Variants in SNTG2 observed in about 807,000 individuals in gnomAD.
SNTG2 encodes gamma-2-syntrophin.
Under a neutral mutation model 70.9 loss-of-function variants are expected in SNTG2, and 74 were observed. The ratio of observed to expected loss-of-function variants is 1.04; its 90% CI spans 0.86 to 1.27. The LOEUF (loss-of-function observed/expected upper bound fraction) is 1.27, where lower values mean the gene tolerates loss of function less well. Ranked by LOEUF, SNTG2 falls within the 50% of genes most tolerant of loss-of-function variation. The pLI is 0.00. For synonymous variants in SNTG2, 278 were observed against 273.8 expected (o/e 1.02, Z -0.15); for missense variants, 717 against 690.7 (o/e 1.04, Z -0.43).
At chr2:964,767 C>A (rs1660470003) in intron 1 of SNTG2, among the ~76,000 whole-genome samples, 1 of 152,170 alleles carries the variant, frequency 6.6e-6, no homozygotes, top group African/African-American at 2.4e-5. Flanking sequence ...CGGGTCCCGC[C>A]CTGTGCCAGG....
intron 14 of SNTG2, among the ~76,000 whole-genome samples, chr2:1,306,469 G>C (rs566654932): frequency 6.6e-6 from 1 of 152,232 alleles, no homozygotes. Flanking sequence ...TCCAGGAAAA[G>C]GACAATAGCA....
At chr2:1,273,008 G>GCACCAT (rs1260560054) in intron 14 of SNTG2, among the ~76,000 whole-genome samples, 3 of 152,142 alleles carry the variant, frequency 2.0e-5, no homozygotes, top group Non-Finnish European at 2.9e-5. Flanking sequence ...ATACGGATGC[G>GCACCAT]CACCATCACC....
intron 16 of SNTG2, among the ~76,000 whole-genome samples, chr2:1,346,888 G>A (rs1314695070): frequency 5.3e-5 from 8 of 152,114 alleles, no homozygotes; most frequent in Non-Finnish European, 2.9e-5. Context: ...GCTAAGCTTT[G>A]TCTAAAGACT....
In SNTG2 at chr2:951,019, C is replaced by T; in HGVS notation, c.23C>T (p.Pro8Leu). The T allele has an allele frequency of 7.9e-7, 1 of 1,265,618 alleles. No homozygotes were observed. Among genetic ancestry groups the T allele is most frequent in the Non-Finnish European group, 9.9e-7 (1 of 1,008,540 alleles). 78.4% of individuals were successfully genotyped at this position (1,265,618 alleles called of 1,614,324 possible). A position where few individuals can be genotyped will look rare whatever the true frequency, so the allele number is the denominator to read the frequency against. The change falls in exon 1 of 17, where the codon CCC (proline) becomes CTC (leucine). Residue 8 changes from proline (P) to leucine (L), a missense_variant. Coordinates refer to ENST00000308624, the MANE Select transcript of SNTG2 (RefSeq NM_018968.4). ...GCGATGGGCACCGAGGGACCCCCGC[C>T]CCCGGCCGCCTCCCGCGGACGCCAG... MGTEGPPPPAASRGRQGC... is the reference protein window; with the variant it reads MGTEGPPLPAASRGRQGC...
chr2:1,117,057 G>A (rs915479265), intron 4 of SNTG2, among the ~76,000 whole-genome samples: 1 of 129,122 alleles, frequency 7.7e-6, no homozygotes, highest in Admixed American at 8.0e-5. Flanking sequence ...GGGTGCTCTG[G>A]TGTGTGGGTG....
At chr2:1,320,799 C>G (rs941395532) in intron 16 of SNTG2, among the ~76,000 whole-genome samples, 11 of 152,148 alleles carry the variant, frequency 7.2e-5, no homozygotes, top group Non-Finnish European at 1.6e-4. Flanking sequence ...ATTATAGAGA[C>G]ATAGCTTGGC....
chr2:1,017,082 G>T (rs757503368), intron 1 of SNTG2, among the ~76,000 whole-genome samples: 1 of 152,116 alleles, frequency 6.6e-6, no homozygotes, highest in African/African-American at 2.4e-5. Context: ...AGAAAATCTT[G>T]TGGCAGTGAG....
chr2:1,222,079 GTCTCTGTCTC>G lies in SNTG2; in HGVS notation c.719+12911_719+12920del, dbSNP rs1228794315. 6.0e-3 allele frequency among the ~76,000 whole-genome samples: 87 copies of G among 14,556 alleles called. 4 individuals are homozygous for G. Among genetic ancestry groups the G allele is most frequent in the South Asian group, 8.0e-3 (3 of 376 alleles). 9.5% of individuals were successfully genotyped at this position (14,556 alleles called of 152,430 possible). A position where few individuals can be genotyped will look rare whatever the true frequency, so the allele number is the denominator to read the frequency against. ...TCTGTCTCTGTTTCTCTCTGTCTCT[GTCTCTGTCTC>G]TCTCTGTCTCTCTCTGTCTCTCTCT... On this transcript the variant is annotated intron_variant, in intron 9 of 16. Transcript: ENST00000308624.
intron 2 of SNTG2, among the ~76,000 whole-genome samples, chr2:1,089,446 C>T (rs1052806692): frequency 6.6e-6 from 1 of 152,188 alleles, no homozygotes; most frequent in Non-Finnish European, 1.5e-5. Context: ...ACCAGCCTGA[C>T]CAACATGGTG....
chr2:1,309,252 C>CA (rs1043194488), intron 15 of SNTG2, among the ~76,000 whole-genome samples: 33 of 152,190 alleles, frequency 2.2e-4, no homozygotes, highest in Admixed American at 2.2e-3. Flanking sequence ...ACCCCCTTTA[C>CA]AAAATAGAGC....
intron 1 of SNTG2, among the ~76,000 whole-genome samples, chr2:969,190 A>G (rs1660660974): frequency 1.3e-5 from 2 of 151,846 alleles, no homozygotes; most frequent in South Asian, 4.2e-4. Flanking sequence ...GTGTGGCTTT[A>G]TTTCTGGGCT....
At chr2:1,306,739 A>T (rs1174130564) in intron 14 of SNTG2, among the ~76,000 whole-genome samples, 1 of 146,936 alleles carries the variant, frequency 6.8e-6, no homozygotes, top group Non-Finnish European at 1.5e-5. Context: ...GCGCTGTGTG[A>T]GCCACACTGT....
chr2:1,117,422 T>C (rs1354327571), intron 4 of SNTG2, among the ~76,000 whole-genome samples: 4 of 152,144 alleles, frequency 2.6e-5, no homozygotes. Flanking sequence ...TTTTTTTCTT[T>C]CTCGTTGAAA....
At chr2:1,184,537 G>GT (rs112814397) in intron 8 of SNTG2, among the ~76,000 whole-genome samples, 11 of 152,276 alleles carry the variant, frequency 7.2e-5, no homozygotes, top group African/African-American at 1.9e-4. Flanking sequence ...CAGGAAGCAT[G>GT]GCTGGGGAGG....
chr2:1,154,787 C>G (rs545606398), intron 6 of SNTG2, among the ~76,000 whole-genome samples: 2 of 152,140 alleles, frequency 1.3e-5, no homozygotes, highest in African/African-American at 4.8e-5. Context: ...CACCTTCCTT[C>G]TACCTCCAAC....
intron 12 of SNTG2, among the ~76,000 whole-genome samples, 193 bp from the exon 13 acceptor site, chr2:1,259,177 T>C (rs1678283064): frequency 1.3e-5 from 2 of 152,204 alleles, no homozygotes; most frequent in African/African-American, 2.4e-5. Context: ...TGCCACAAAC[T>C]GACAAAGATG....
chr2:1,199,383 G>T (rs1241177542), intron 8 of SNTG2, among the ~76,000 whole-genome samples: 2 of 151,758 alleles, frequency 1.3e-5, no homozygotes, highest in Non-Finnish European at 2.9e-5. Context: ...TTCAGCATAA[G>T]GTCATATATG....
intron 14 of SNTG2, among the ~76,000 whole-genome samples, chr2:1,290,126 G>A (rs997234449): frequency 1.3e-5 from 2 of 152,130 alleles, no homozygotes; most frequent in Non-Finnish European, 2.9e-5. Flanking sequence ...TTGCTATAAA[G>A]AACTACCTGA....
intron 11 of SNTG2, among the ~76,000 whole-genome samples, chr2:1,245,216 A>G (rs929889453): frequency 1.3e-5 from 2 of 151,608 alleles, no homozygotes; most frequent in Admixed American, 1.3e-4. Flanking sequence ...GCACATGTAT[A>G]CATATGTAAC....
Sources: gnomAD v4.1 joint callset for allele counts (sites outside exome capture counted in the v4.1 genomes callset) on GRCh38, gnomAD v4.1.1 for gene constraint, MANE v1.5 for transcripts, NCBI Gene and HGNC (gene_info 2026-07-23, HGNC 2026-07-21) for gene names.